Variants in F11R observed in about 807,000 individuals in gnomAD.
F11R encodes F11 receptor.
A neutral mutation model predicts 39.3 loss-of-function variants in F11R; 27 were observed. The observed-to-expected ratio is 0.69, with a 90% CI of 0.51 to 0.95. F11R has a LOEUF of 0.95. Among genes scored for constraint, F11R ranks in the 40% least tolerant of loss-of-function variants. The probability of loss-of-function intolerance (pLI) is 0.00; values close to 1 mark genes in which losing one functional copy is unlikely to be tolerated. For missense variants in F11R, 335 were observed against 372.7 expected (o/e 0.90, Z 0.83); for synonymous variants, 131 against 144.9 (o/e 0.90, Z 0.69).
In F11R at chr1:160,996,150, A is replaced by C. The variant is rs911202773; in HGVS notation, c.*2721T>G. The C allele has an allele frequency of 6.6e-6, 1 of 152,374 alleles. No homozygotes were observed. The highest frequency in any genetic ancestry group is 1.5e-5 in the Non-Finnish European group (1 of 68,034). 9.4% of individuals were successfully genotyped at this position (152,374 alleles called of 1,614,324 possible). ...ATTTTGAATGTCCAATCACTCTAGG[A>C]GTCCCAATTCTCTTAAGGTAAGAAC... is the stretch of plus-strand genomic sequence containing the variant. On this transcript the variant is annotated 3_prime_UTR_variant, in exon 10 of 10. Transcript: ENST00000368026.
At chr1:161,015,520 G>A (rs948765110) in intron 1 of F11R, among the ~76,000 whole-genome samples, 1 of 150,756 alleles carries the variant, frequency 6.6e-6, no homozygotes, top group Admixed American at 6.6e-5. Flanking sequence ...GAACCTGGGA[G>A]GCAGAGTCTG....
At chr1:160,999,148 C>G in intron 8 of F11R, 57 bp from the exon 9 acceptor site, 1 of 1,609,902 alleles carries the variant, frequency 6.2e-7, no homozygotes, top group Non-Finnish European at 8.5e-7. Context: ...ATTAACCTCC[C>G]CTTGCCAACT....
At position 160,998,434 on chromosome 1, in the gene F11R, G is replaced by A. The variant is rs836; in HGVS notation, c.*437C>T. ...TCAGCCGCTCTAGCCTCTAATTCCC[G>A]CTCTAGAACAGCTGGCCCTGGTCGT... is the stretch of plus-strand genomic sequence containing the variant. On this transcript the variant is annotated 3_prime_UTR_variant, in exon 10 of 10. Coordinates refer to ENST00000368026, the MANE Select transcript of F11R (RefSeq NM_016946.6). The A allele has an allele frequency of 0.23, 50,416 of 219,578 alleles. 6,735 individuals are homozygous for A. Among genetic ancestry groups the A allele is most frequent in the Non-Finnish European group, 0.28 (30,823 of 109,710 alleles). The allele number at this position is 219,578 out of a possible 1,614,324, so 13.6% of individuals were successfully genotyped here. A position where few individuals can be genotyped will look rare whatever the true frequency, so the allele number is the denominator to read the frequency against.
Position 161,001,353 on chromosome 1 carries a change from C to T in F11R, c.65G>A (p.Cys22Tyr), listed in dbSNP as rs1382539670. 6.2e-7 allele frequency: 1 copy of T among 1,613,586 alleles called. No homozygotes were observed. Among genetic ancestry groups the T allele is most frequent in the African/African-American group, 1.3e-5 (1 of 74,872 alleles). The change falls in exon 2 of 10, where the codon TGC becomes TAC. Residue 22 changes from cysteine (C) to tyrosine (Y), a missense_variant and splice_region_variant. By Grantham distance (194) the Cys-to-Tyr change is radical. Transcript: ENST00000368026. ...LCLFILAILL[C>Y]SLALGSVTVH... is the part of the protein sequence containing the mutation. ...TGTAACACTGCCCAATGCCAGGGAG[C>T]CTAAGGAGAAAGAAAGAGGTGGGCC...
chr1:161,003,519 G>A lies in F11R; in HGVS notation c.65-2166C>T, dbSNP rs189396019. ...CTAAAGTGATCTGCCCGCTGCAGCC[G>A]CCCAAAGTGCTGGAATTATAGGCGT... On this transcript the variant is annotated intron_variant, in intron 1 of 9. Coordinates refer to ENST00000368026, the MANE Select transcript of F11R (RefSeq NM_016946.6). Among the ~76,000 whole-genome samples, 91 of 152,014 alleles carry A rather than the reference G, an allele frequency of 6.0e-4. 1 individual carries two copies. Among genetic ancestry groups the A allele is most frequent in the Admixed American group, 4.7e-3 (71 of 15,238 alleles).
At chr1:160,999,007 A>C in intron 9 of F11R, 36 bp downstream of exon 9, 1 of 1,614,028 alleles carries the variant, frequency 6.2e-7, no homozygotes, top group Non-Finnish European at 8.5e-7. Context: ...CTCCAGCCCC[A>C]GGTGGCCCAC....
chr1:160,999,251 C>G, intron 8 of F11R, 145 bp downstream of exon 8: 1 of 1,429,812 alleles, frequency 7.0e-7, no homozygotes, highest in Non-Finnish European at 9.9e-7. Flanking sequence ...GCCAAGGCCA[C>G]AGAGAAAGGG....
At chr1:161,016,603 G>A (rs1649478942) in intron 1 of F11R, among the ~76,000 whole-genome samples, 1 of 152,080 alleles carries the variant, frequency 6.6e-6, no homozygotes, top group South Asian at 2.1e-4. Flanking sequence ...GTTGCAGTGA[G>A]CCAAGATCAT....
intron 1 of F11R, among the ~76,000 whole-genome samples, chr1:161,009,076 C>T (rs1237960079): frequency 6.6e-6 from 1 of 152,168 alleles, no homozygotes; most frequent in African/African-American, 2.4e-5. Flanking sequence ...AAAGTCTGGG[C>T]TGTTTCACAA....
At position 161,005,994 on chromosome 1, in the gene F11R, C is replaced by T. The variant is rs142523456; in HGVS notation, c.65-4641G>A. On this transcript the variant is annotated intron_variant, in intron 1 of 9. Transcript: ENST00000368026. ...TCTCTACTAAAATACAAAAATTAGC[C>T]GGGCATGGTGGCGGGCAACGGTAAT... Among the ~76,000 whole-genome samples, 138 of 152,078 alleles carry T rather than the reference C, an allele frequency of 9.1e-4. 1 individual carries two copies. The highest frequency in any genetic ancestry group is 7.3e-3 in the Admixed American group (112 of 15,266).
intron 1 of F11R, 59 bp downstream of exon 1, chr1:161,020,951 A>G (rs577549146): frequency 6.8e-5 from 102 of 1,495,976 alleles, no homozygotes; most frequent in Non-Finnish European, 9.0e-5. Context: ...GCGTGGGGAG[A>G]GCCTTCCTCC....
At chr1:161,020,480 T>C (rs1649698668) in intron 1 of F11R, among the ~76,000 whole-genome samples, 1 of 152,226 alleles carries the variant, frequency 6.6e-6, no homozygotes. Context: ...ACCGCCGCAA[T>C]TCAAAGATTC....
intron 1 of F11R, among the ~76,000 whole-genome samples, chr1:161,007,375 G>A (rs1337682191): frequency 1.3e-5 from 2 of 151,514 alleles, no homozygotes; most frequent in Non-Finnish European, 2.9e-5. Context: ...TGAGGCAGGA[G>A]AATTGCTTGA....
chr1:161,007,308 A>G (rs183819409), intron 1 of F11R, among the ~76,000 whole-genome samples: 4 of 151,544 alleles, frequency 2.6e-5, no homozygotes, highest in Admixed American at 1.3e-4. Context: ...TCTACTAAAA[A>G]TACAAAATTA....
chr1:161,005,500 T>C (rs1648751982), intron 1 of F11R, among the ~76,000 whole-genome samples: 1 of 151,726 alleles, frequency 6.6e-6, no homozygotes, highest in Non-Finnish European at 1.5e-5. Context: ...GCCTCCTGAG[T>C]AGCTGGGATT....
At chr1:161,015,407 A>AAAAAAT (rs571469825) in intron 1 of F11R, among the ~76,000 whole-genome samples, 7 of 136,134 alleles carry the variant, frequency 5.1e-5, no homozygotes, top group East Asian at 2.1e-4. Context: ...CAAAAAAAAA[A>AAAAAAT]ATATATATAT....
At chr1:161,004,145 T>A (rs1648662412) in intron 1 of F11R, among the ~76,000 whole-genome samples, 1 of 152,020 alleles carries the variant, frequency 6.6e-6, no homozygotes, top group Non-Finnish European at 1.5e-5. Context: ...GGGTTCTTGC[T>A]ACATTGCCCA....
chr1:161,017,288 G>A (rs1385290822), intron 1 of F11R, among the ~76,000 whole-genome samples: 5 of 152,152 alleles, frequency 3.3e-5, no homozygotes, highest in South Asian at 2.1e-4. Flanking sequence ...TAGTATAAGA[G>A]GAAGGCATGC....
At position 161,021,147 on chromosome 1, in the gene F11R, G is replaced by T; in HGVS notation, c.-74C>A. 1 of 1,421,706 alleles carries T rather than the reference G, an allele frequency of 7.0e-7. No individual in the cohort carries two copies. The highest frequency in any genetic ancestry group is 9.9e-7 in the Non-Finnish European group (1 of 1,015,012). 88.1% of individuals were successfully genotyped at this position (1,421,706 alleles called of 1,614,324 possible). A position where few individuals can be genotyped will look rare whatever the true frequency, so the allele number is the denominator to read the frequency against. On this transcript the variant is annotated 5_prime_UTR_variant, in exon 1 of 10. Coordinates refer to ENST00000368026, the MANE Select transcript of F11R (RefSeq NM_016946.6). ...GACACAGCTCCGCGACTACAGCGAGGGGACTGAGAGCCAGCCGCCAGGTGG... is the reference window on the plus strand; with the variant it reads ...GACACAGCTCCGCGACTACAGCGAGTGGACTGAGAGCCAGCCGCCAGGTGG...
Sources: gnomAD v4.1 joint callset for allele counts (sites outside exome capture counted in the v4.1 genomes callset) on GRCh38, gnomAD v4.1.1 for gene constraint, MANE v1.5 for transcripts, NCBI Gene and HGNC (gene_info 2026-07-23, HGNC 2026-07-21) for gene names.